SGPP2: variants seen among roughly 807,000 people sequenced by gnomAD.
SGPP2 encodes sphingosine-1-phosphate phosphatase 2.
A neutral mutation model predicts 33.9 loss-of-function variants in SGPP2; 30 were observed. The ratio of observed to expected loss-of-function variants is 0.89; its 90% CI spans 0.66 to 1.20. The LOEUF is 1.20. Among genes scored for constraint, SGPP2 ranks in the 50% most tolerant of loss-of-function variants. The pLI, the probability that SGPP2 is intolerant of heterozygous loss-of-function variation, is 0.00. For missense variants in SGPP2, 458 were observed against 532.1 expected (o/e 0.86, Z 1.37); for synonymous variants, 233 against 225.0 (o/e 1.04, Z -0.32).
intron 2 of SGPP2, among the ~76,000 whole-genome samples, chr2:222,486,174 G>A (rs757745314): frequency 2.6e-5 from 4 of 152,210 alleles, no homozygotes; most frequent in African/African-American, 2.4e-5. Context: ...TTTGCTATGC[G>A]GAAGCTGGGC....
At chr2:222,429,789 A>C (rs1375501492) in intron 1 of SGPP2, among the ~76,000 whole-genome samples, 1 of 152,214 alleles carries the variant, frequency 6.6e-6, no homozygotes, top group African/African-American at 2.4e-5. Flanking sequence ...AAAAATGCAT[A>C]TATTATTGCT....
At chr2:222,511,521 A>G (rs1698527846) in intron 2 of SGPP2, among the ~76,000 whole-genome samples, 1 of 152,168 alleles carries the variant, frequency 6.6e-6, no homozygotes, top group Non-Finnish European at 1.5e-5. Context: ...TAGGGCCTCA[A>G]CCCAAAGAAG....
chr2:222,528,994 A>T (rs1305058245), intron 4 of SGPP2, among the ~76,000 whole-genome samples: 1 of 152,214 alleles, frequency 6.6e-6, no homozygotes, highest in Non-Finnish European at 1.5e-5. Flanking sequence ...TAGAATGCCA[A>T]TGCTGTTTTT....
chr2:222,490,137 A>C (rs952634170), intron 2 of SGPP2, among the ~76,000 whole-genome samples: 4 of 152,212 alleles, frequency 2.6e-5, no homozygotes, highest in African/African-American at 9.7e-5. Flanking sequence ...TTCTATATTC[A>C]TGAGAAACAT....
chr2:222,449,307 C>T (rs1697445345), intron 1 of SGPP2, among the ~76,000 whole-genome samples: 1 of 152,140 alleles, frequency 6.6e-6, no homozygotes, highest in Non-Finnish European at 1.5e-5. Flanking sequence ...CAGGCTTTGG[C>T]ATTTTGGGTG....
chr2:222,463,716 A>G (rs1697699986), intron 1 of SGPP2, among the ~76,000 whole-genome samples: 1 of 152,056 alleles, frequency 6.6e-6, no homozygotes, highest in African/African-American at 2.4e-5. Flanking sequence ...GTATAAAACC[A>G]CCTTGACTTT....
chr2:222,532,707 A>T (rs1698856406), intron 4 of SGPP2, among the ~76,000 whole-genome samples: 1 of 152,210 alleles, frequency 6.6e-6, no homozygotes, highest in Non-Finnish European at 1.5e-5. Flanking sequence ...ACTGCTTGGA[A>T]ATTATTTCCA....
At chr2:222,547,289 G>T (rs1018257313) in intron 4 of SGPP2, among the ~76,000 whole-genome samples, 2 of 152,086 alleles carry the variant, frequency 1.3e-5, no homozygotes, top group Non-Finnish European at 2.9e-5. Context: ...TGTCATTCTC[G>T]CAAGCTGCTT....
At chr2:222,451,977 G>A (rs1697496853) in intron 1 of SGPP2, among the ~76,000 whole-genome samples, 2 of 152,066 alleles carry the variant, frequency 1.3e-5, no homozygotes, top group Non-Finnish European at 1.5e-5. Context: ...AAGTACAGTT[G>A]ACTCTTGAGC....
chr2:222,476,810 G>A lies in SGPP2; in HGVS notation c.378+2084G>A, dbSNP rs146384207. Among the ~76,000 whole-genome samples the A allele has an allele frequency of 2.6e-3, 390 of 151,834 alleles. No homozygotes were observed. The highest frequency in any genetic ancestry group is 0.01 in the Middle Eastern group (3 of 292). Reference sequence around the variant, plus strand: ...TATACAGGTGTGTGTATATCCGTGCGTGTATATAGGTGTGTGTATATGTGT... The same window carrying A: ...TATACAGGTGTGTGTATATCCGTGCATGTATATAGGTGTGTGTATATGTGT... On this transcript the variant is annotated intron_variant, in intron 2 of 4. Transcript: ENST00000321276. The surrounding 1 kb of genome is among the most constrained non-coding windows in gnomAD (Gnocchi z 4.3).
At chr2:222,498,661 C>A (rs184759962) in intron 2 of SGPP2, among the ~76,000 whole-genome samples, 1 of 152,132 alleles carries the variant, frequency 6.6e-6, no homozygotes, top group African/African-American at 2.4e-5. Flanking sequence ...GGCAGAGCAT[C>A]CACTCAGAGT....
intron 1 of SGPP2, among the ~76,000 whole-genome samples, chr2:222,430,192 T>A (rs1248784053): frequency 6.6e-6 from 1 of 152,100 alleles, no homozygotes; most frequent in Non-Finnish European, 1.5e-5. Context: ...AGTTGGGGCT[T>A]AAAGAGTGGG....
At chr2:222,474,452 CA>C (rs1476079036) in intron 1 of SGPP2, 115 bp from the exon 2 acceptor site, 2 of 837,772 alleles carry the variant, frequency 2.4e-6, no homozygotes, top group Non-Finnish European at 3.8e-6. Context: ...ACCTTAATAA[CA>C]TAATGGGAGA....
chr2:222,471,243 T>C (rs16863727), intron 1 of SGPP2, among the ~76,000 whole-genome samples: 2,956 of 152,202 alleles, frequency 0.019, 93 homozygotes, highest in African/African-American at 0.067. Context: ...CATGACTCCT[T>C]TGGATGAATC....
chr2:222,509,278 C>T (rs1398985580), intron 2 of SGPP2, among the ~76,000 whole-genome samples: 2 of 152,042 alleles, frequency 1.3e-5, no homozygotes, highest in Non-Finnish European at 2.9e-5. Flanking sequence ...TCCCAGTTGT[C>T]CTGGTTTGAT....
chr2:222,468,474 A>T (rs145170792), intron 1 of SGPP2, among the ~76,000 whole-genome samples: 1 of 152,034 alleles, frequency 6.6e-6, no homozygotes, highest in Non-Finnish European at 1.5e-5. Context: ...GTTGAGGCTC[A>T]GAAAGGCAAA....
chr2:222,514,565 G>A (rs1041441878), intron 2 of SGPP2, among the ~76,000 whole-genome samples: 1 of 152,104 alleles, frequency 6.6e-6, no homozygotes, highest in Non-Finnish European at 1.5e-5. Context: ...CAGTAGTTAT[G>A]GCCTTGGAAA....
intron 4 of SGPP2, among the ~76,000 whole-genome samples, chr2:222,555,019 C>G (rs371586779): frequency 1.1e-4 from 16 of 152,108 alleles, no homozygotes; most frequent in African/African-American, 2.9e-4. Flanking sequence ...ACATCCCCCC[C>G]ACCCTGAAAC....
At chr2:222,513,509 C>T (rs967383412) in intron 2 of SGPP2, among the ~76,000 whole-genome samples, 4 of 152,084 alleles carry the variant, frequency 2.6e-5, no homozygotes, top group Non-Finnish European at 4.4e-5. Flanking sequence ...TAAGTAGTGG[C>T]CTCCAAAAAG....
Sources: gnomAD v4.1 joint callset for allele counts (sites outside exome capture counted in the v4.1 genomes callset) on GRCh38, gnomAD v4.1.1 for gene constraint, Gnocchi (gnomAD v3.1) non-coding constraint, MANE v1.5 for transcripts, NCBI Gene and HGNC (gene_info 2026-07-23, HGNC 2026-07-21) for gene names.